HSD17B4: variants seen among roughly 807,000 people sequenced by gnomAD.
HSD17B4 encodes the protein hydroxysteroid 17-beta dehydrogenase 4, also known as peroxisomal multifunctional enzyme type 2.
HSD17B4 carries 70 observed loss-of-function variants against 101.0 expected under a neutral mutation model. The observed-to-expected ratio is 0.69, with a 90% CI of 0.57 to 0.85. The LOEUF (loss-of-function observed/expected upper bound fraction) is 0.85. HSD17B4 is among the 40% of genes least tolerant of loss of function. The probability of loss-of-function intolerance (pLI) is 0.00; values close to 1 mark genes in which losing one functional copy is unlikely to be tolerated. For missense variants in HSD17B4, 984 were observed against 892.4 expected (o/e 1.10, Z -1.31); for synonymous variants, 347 against 297.1 (o/e 1.17, Z -1.73).
chr5:119,539,555 C>T (rs1446223412), intron 23 of HSD17B4, among the ~76,000 whole-genome samples: 1 of 151,250 alleles, frequency 6.6e-6, no homozygotes, highest in Non-Finnish European at 1.5e-5. Flanking sequence ...GCGCATTGTG[C>T]ACATGTACCC....
At chr5:119,473,449 G>T (rs1490297586) in intron 2 of HSD17B4, among the ~76,000 whole-genome samples, 1 of 150,462 alleles carries the variant, frequency 6.6e-6, no homozygotes, top group African/African-American at 2.4e-5. Context: ...CTCCCAAGTA[G>T]CTGGGACTAC....
intron 2 of HSD17B4, among the ~76,000 whole-genome samples, chr5:119,460,788 T>C (rs1159652836): frequency 1.3e-5 from 2 of 152,054 alleles, no homozygotes; most frequent in African/African-American, 2.4e-5. Context: ...AAAAATATAA[T>C]AGATGTAGGT....
chr5:119,463,832 C>G (rs1205649184), intron 2 of HSD17B4, among the ~76,000 whole-genome samples: 1 of 151,508 alleles, frequency 6.6e-6, no homozygotes, highest in Non-Finnish European at 1.5e-5. Context: ...CCACACCCAG[C>G]TATTTTTTTT....
chr5:119,538,002 C>G (rs1438373479), intron 23 of HSD17B4, among the ~76,000 whole-genome samples: 1 of 152,098 alleles, frequency 6.6e-6, no homozygotes, highest in Non-Finnish European at 1.5e-5. Context: ...ACAACTAATA[C>G]AAAGGCCTGC....
At chr5:119,485,623 C>T (rs1055280114) in intron 8 of HSD17B4, among the ~76,000 whole-genome samples, 1 of 151,894 alleles carries the variant, frequency 6.6e-6, no homozygotes, top group Non-Finnish European at 1.5e-5. Flanking sequence ...AAAATATTTC[C>T]TTATGGGCAA....
chr5:119,507,830 T>A, intron 15 of HSD17B4, among the ~76,000 whole-genome samples: 1 of 151,964 alleles, frequency 6.6e-6, no homozygotes, highest in East Asian at 1.9e-4. Context: ...ATTTTAAAAA[T>A]TAAATTTAAA....
chr5:119,469,975 G>A (rs1756195113), intron 2 of HSD17B4, among the ~76,000 whole-genome samples: 1 of 152,146 alleles, frequency 6.6e-6, no homozygotes, highest in East Asian at 1.9e-4. Flanking sequence ...GGTGAGCATG[G>A]TGCATGGTAG....
intron 17 of HSD17B4, among the ~76,000 whole-genome samples, chr5:119,524,731 T>C (rs1580694452): frequency 6.6e-6 from 1 of 152,110 alleles, no homozygotes; most frequent in East Asian, 1.9e-4. Context: ...TCTTGCAGGG[T>C]GAGCTAATGT....
At chr5:119,541,794 C>G (rs1339322520) in intron 23 of HSD17B4, 111 bp from the exon 24 acceptor site, 1 of 713,030 alleles carries the variant, frequency 1.4e-6, no homozygotes, top group Admixed American at 2.3e-5. Flanking sequence ...CCTTTGTTGT[C>G]CAGAATTATT....
intron 2 of HSD17B4, among the ~76,000 whole-genome samples, chr5:119,460,614 T>C (rs1755130873): frequency 1.3e-5 from 2 of 152,240 alleles, no homozygotes; most frequent in South Asian, 4.1e-4. Context: ...TCAAATAGAT[T>C]CATTTATTCA....
intron 12 of HSD17B4, among the ~76,000 whole-genome samples, chr5:119,496,926 T>G (rs1427153787): frequency 6.6e-6 from 1 of 152,226 alleles, no homozygotes; most frequent in Non-Finnish European, 1.5e-5. Flanking sequence ...CAGGATGAAT[T>G]CTAACACTGT....
intron 2 of HSD17B4, chr5:119,464,563 C>G (rs1432791082): frequency 6.6e-6 from 1 of 151,990 alleles, no homozygotes; most frequent in Non-Finnish European, 1.5e-5. Context: ...ATTTTTATGT[C>G]ACTACCATTG....
rs375449166 is a variant in HSD17B4 at position 119,489,279 on chromosome 5, T to C, written c.710T>C (p.Phe237Ser). ...AGTTGTGAGGAGAATGGTGGCTTGT[T>C]TGAGGTATTTGCACCTTCCTGTTTT... ...HESCEENGGLFEVGAGWIGKL... is the reference protein window; with the variant it reads ...HESCEENGGLSEVGAGWIGKL... Residue 237 changes from phenylalanine to serine, a missense_variant, in exon 9 of 24, where the codon TTT becomes TCT. Physicochemically the swap from Phe to Ser is radical, Grantham distance 155. Transcript: ENST00000510025. 5 of 1,606,480 alleles carry C rather than the reference T, an allele frequency of 3.1e-6. No homozygotes were observed. Among genetic ancestry groups the C allele is most frequent in the African/African-American group, 1.3e-5 (1 of 74,802 alleles).
rs139348491 is a variant in HSD17B4 at position 119,536,470 on chromosome 5, A to G, written c.2041A>G (p.Lys681Glu). The G allele has an allele frequency of 1.5e-5, 24 of 1,612,478 alleles. No homozygotes were observed. The African/African-American group carries it at 2.3e-4, about 15-fold the overall frequency. The change falls in exon 23 of 24, where the codon AAA (lysine) becomes GAA (glutamate). Residue 681 changes from lysine to glutamate, a missense_variant. Transcript: ENST00000510025. Reference protein sequence around the residue: ...GSGKVYQGPAKGAADTTIILS... With the variant: ...GSGKVYQGPAEGAADTTIILS... Reference sequence around the variant, plus strand: ...TGGAAAAGTGTACCAAGGCCCTGCAAAAGGTGCTGCTGATACAACAATCAT... The same window carrying G: ...TGGAAAAGTGTACCAAGGCCCTGCAGAAGGTGCTGCTGATACAACAATCAT...
intron 23 of HSD17B4, among the ~76,000 whole-genome samples, chr5:119,537,070 A>G (rs189691322): frequency 5.3e-5 from 8 of 152,270 alleles, no homozygotes; most frequent in African/African-American, 1.9e-4. Context: ...ATTAGAATGG[A>G]GGAGAAAAAT....
intron 11 of HSD17B4, among the ~76,000 whole-genome samples, chr5:119,495,339 T>G (rs1309036155): frequency 1.3e-5 from 2 of 152,194 alleles, no homozygotes; most frequent in Non-Finnish European, 2.9e-5. Context: ...TATAACTAAT[T>G]GTAAGTGAAA....
At chr5:119,499,621 C>T (rs36201183) in intron 13 of HSD17B4, 68 bp downstream of exon 13, 20 of 843,274 alleles carry the variant, frequency 2.4e-5, no homozygotes, top group African/African-American at 2.1e-4. Context: ...AATGTCATAT[C>T]TTATATATAT....
intron 8 of HSD17B4, among the ~76,000 whole-genome samples, chr5:119,487,755 T>C (rs1245986677): frequency 3.9e-5 from 6 of 152,200 alleles, no homozygotes; most frequent in Non-Finnish European, 4.4e-5. Context: ...TCCCTGTACA[T>C]AAATATCCTT....
chr5:119,488,763 C>G (rs1338722257), intron 8 of HSD17B4, among the ~76,000 whole-genome samples: 1 of 152,130 alleles, frequency 6.6e-6, no homozygotes, highest in East Asian at 1.9e-4. Context: ...GGATTCAGCA[C>G]TCTCAATCAT....
Sources: gnomAD v4.1 joint callset for allele counts (sites outside exome capture counted in the v4.1 genomes callset) on GRCh38, gnomAD v4.1.1 for gene constraint, MANE v1.5 for transcripts, NCBI Gene and HGNC (gene_info 2026-07-23, HGNC 2026-07-21) for gene names.